DLEC1: variants seen among roughly 807,000 people sequenced by gnomAD.
The protein encoded by DLEC1 is DLEC1 cilia and flagella associated protein.
Under a neutral mutation model 198.1 loss-of-function variants are expected in DLEC1, and 146 were observed. That is an observed-to-expected ratio of 0.74 (90% CI 0.64 to 0.85). The LOEUF (loss-of-function observed/expected upper bound fraction) is 0.85, where lower values mean the gene tolerates loss of function less well. DLEC1 is among the 40% of genes least tolerant of loss of function. The pLI, the probability that DLEC1 is intolerant of heterozygous loss-of-function variation, is 0.00. For missense variants in DLEC1, 2,233 were observed against 2,220.0 expected (o/e 1.01, Z -0.12); for synonymous variants, 897 against 866.8 (o/e 1.03, Z -0.61).
chr3:38,071,860 A>G (rs1213874107), intron 6 of DLEC1, among the ~76,000 whole-genome samples: 2 of 152,216 alleles, frequency 1.3e-5, no homozygotes, highest in Admixed American at 1.3e-4. Flanking sequence ...GAATCAGTGT[A>G]GATATTGACG....
At chr3:38,053,624 G>A (rs1199104059) in intron 2 of DLEC1, among the ~76,000 whole-genome samples, 6 of 114,460 alleles carry the variant, frequency 5.2e-5, no homozygotes, top group African/African-American at 1.6e-4. Flanking sequence ...GGTGGGGGGC[G>A]CCTCTGCCCG....
chr3:38,088,169 A>T (rs1288868328), intron 9 of DLEC1, 127 bp from the exon 10 acceptor site: 2 of 785,062 alleles, frequency 2.5e-6, no homozygotes, highest in Non-Finnish European at 2.1e-6. Flanking sequence ...TTTCATTACC[A>T]TGTGACTGGA....
In DLEC1 at chr3:38,112,119, TCGGGGACAGTGCTTTGCTCACACA is replaced by T; in HGVS notation, c.3515-88_3515-65del. On this transcript the variant is annotated intron_variant, in intron 24 of 36. Coordinates refer to ENST00000308059, the MANE Select transcript of DLEC1 (RefSeq NM_007335.4). The surrounding 1 kb of genome is among the most constrained non-coding windows in gnomAD (Gnocchi z 4.8). Reference sequence around the variant, plus strand: ...CAAGGAGAGGCTGGAGGGTGGCTTATCGGGGACAGTGCTTTGCTCACACACGAGGGTTTGGACCTCACTCCCAAC... The same window carrying T: ...CAAGGAGAGGCTGGAGGGTGGCTTATCGAGGGTTTGGACCTCACTCCCAAC... 1 of 1,573,572 alleles carries T rather than the reference TCGGGGACAGTGCTTTGCTCACACA, an allele frequency of 6.4e-7. No homozygotes were observed. The highest frequency in any genetic ancestry group is 8.7e-7 in the Non-Finnish European group (1 of 1,155,000).
intron 6 of DLEC1, among the ~76,000 whole-genome samples, chr3:38,067,268 C>T (rs1405935670): frequency 6.6e-6 from 1 of 152,108 alleles, no homozygotes; most frequent in East Asian, 1.9e-4. Context: ...TCCCATGTAC[C>T]CTTTCTCTGA....
chr3:38,122,978 TG>T lies in DLEC1; in HGVS notation c.*567del. ...GAGTTTTCCCATGTGGTTTTGCTTT[TG>T]TGGTGTTACTGCCTTGCTGCTAGAG... On this transcript the variant is annotated 3_prime_UTR_variant, in exon 37 of 37. Transcript: ENST00000308059. 1 of 1,530,694 alleles carries T rather than the reference TG, an allele frequency of 6.5e-7. No homozygotes were observed. The highest frequency in any genetic ancestry group is 9.0e-7 in the Non-Finnish European group (1 of 1,107,798). 94.8% of individuals were successfully genotyped at this position (1,530,694 alleles called of 1,614,324 possible). A position where few individuals can be genotyped will look rare whatever the true frequency, so the allele number is the denominator to read the frequency against.
intron 35 of DLEC1, 65 bp from the exon 36 acceptor site, chr3:38,122,004 TAA>T: frequency 6.3e-7 from 1 of 1,591,724 alleles, no homozygotes. Flanking sequence ...CGGGGGTGGG[TAA>T]AGTCTTCCTG....
intron 6 of DLEC1, among the ~76,000 whole-genome samples, chr3:38,083,800 GTT>G (rs11312889): frequency 2.1e-5 from 3 of 146,152 alleles, no homozygotes; most frequent in African/African-American, 2.5e-5. Context: ...TAATTTTTTT[GTT>G]TTTTTTTTTG....
At position 38,123,205 on chromosome 3, in the gene DLEC1, G is replaced by C. The variant is rs1357862754; in HGVS notation, c.*793G>C. ...CAGGCTGACCCAGAAGGACGTCATG[G>C]ACAAGTAGGATGCAAAACCATCAGA... On this transcript the variant is annotated 3_prime_UTR_variant, in exon 37 of 37. Transcript: ENST00000308059. The C allele has an allele frequency of 3.0e-6, 4 of 1,352,802 alleles. No individual in the cohort carries two copies. The highest frequency in any genetic ancestry group is 4.2e-6 in the Non-Finnish European group (4 of 946,314). 83.8% of individuals were successfully genotyped at this position (1,352,802 alleles called of 1,614,324 possible).
intron 6 of DLEC1, among the ~76,000 whole-genome samples, chr3:38,079,520 G>A (rs1045375433): frequency 7.2e-5 from 11 of 152,182 alleles, no homozygotes; most frequent in African/African-American, 1.7e-4. Flanking sequence ...CTTTGGAGGC[G>A]ATCGGGCAGC....
intron 6 of DLEC1, among the ~76,000 whole-genome samples, chr3:38,071,416 G>T (rs1697309291): frequency 6.6e-6 from 1 of 152,216 alleles, no homozygotes; most frequent in Admixed American, 6.5e-5. Context: ...CGGGCTAGCG[G>T]CTTGTAACCT....
At chr3:38,106,815 T>C (rs1699592526) in intron 19 of DLEC1, among the ~76,000 whole-genome samples, 1 of 151,356 alleles carries the variant, frequency 6.6e-6, no homozygotes, top group Non-Finnish European at 1.5e-5. Flanking sequence ...CCATCTAGAT[T>C]ATCTAGGATA....
At chr3:38,089,690 C>T (rs541842854) in intron 10 of DLEC1, among the ~76,000 whole-genome samples, 1 of 152,304 alleles carries the variant, frequency 6.6e-6, no homozygotes, top group South Asian at 2.1e-4. Flanking sequence ...TGGACATCCC[C>T]CTCATCCCAT....
At chr3:38,082,500 C>A (rs888187045) in intron 6 of DLEC1, among the ~76,000 whole-genome samples, 1 of 152,172 alleles carries the variant, frequency 6.6e-6, no homozygotes, top group Non-Finnish European at 1.5e-5. Flanking sequence ...GTGTTCTTAA[C>A]CCTCCAGAAA....
At position 38,120,487 on chromosome 3, in the gene DLEC1, T is replaced by TATCA. The variant is rs879396988; in HGVS notation, c.4745_4748dup (p.Lys1584SerfsTer6). On this transcript the variant is annotated frameshift_variant, in exon 34 of 37. Transcript: ENST00000308059. LOFTEE classifies it high-confidence loss of function. ...CTCACTCTCCCTGGAGCTGCTCTCCTATCAGAAGCTCCCAGCTGACCAGAC... is the reference window on the plus strand; with the variant it reads ...CTCACTCTCCCTGGAGCTGCTCTCCTATCAATCAGAAGCTCCCAGCTGACCAGAC... The TATCA allele has an allele frequency of 2.5e-6, 4 of 1,614,076 alleles. No homozygotes were observed. The highest frequency in any genetic ancestry group is 2.5e-6 in the Non-Finnish European group (3 of 1,180,026).
intron 9 of DLEC1, among the ~76,000 whole-genome samples, chr3:38,086,999 G>A (rs184963496): frequency 1.6e-3 from 240 of 151,864 alleles, no homozygotes; most frequent in African/African-American, 5.4e-3. Flanking sequence ...ACTTGAACCC[G>A]GGAGGTGGAG....
intron 10 of DLEC1, among the ~76,000 whole-genome samples, chr3:38,089,307 C>T (rs895182152): frequency 2.6e-5 from 4 of 152,320 alleles, no homozygotes; most frequent in South Asian, 2.1e-4. Flanking sequence ...GCCTGGGTGC[C>T]GGACTTCTAA....
At chr3:38,062,483 C>T (rs1241418247) in intron 4 of DLEC1, 98 bp from the exon 5 acceptor site, 1 of 1,571,476 alleles carries the variant, frequency 6.4e-7, no homozygotes, top group Non-Finnish European at 8.7e-7. Context: ...TAGAGTAGAG[C>T]TTGTGTTGGC....
chr3:38,084,425 A>AGTAGTG (rs1559430106), intron 7 of DLEC1, among the ~76,000 whole-genome samples, 180 bp downstream of exon 7: 1 of 14,558 alleles, frequency 6.9e-5, no homozygotes, highest in Non-Finnish European at 1.3e-4. Flanking sequence ...TAGTAGTGGT[A>AGTAGTG]GTAGTAGTAG....
At chr3:38,114,316 G>A (rs749647851) in intron 25 of DLEC1, 26 bp from the exon 26 acceptor site, 1 of 1,611,796 alleles carries the variant, frequency 6.2e-7, no homozygotes, top group Non-Finnish European at 8.5e-7. Flanking sequence ...TGACAGGAGT[G>A]ACAAAGGGCT....
Sources: gnomAD v4.1 joint callset for allele counts (sites outside exome capture counted in the v4.1 genomes callset) on GRCh38, gnomAD v4.1.1 for gene constraint, Gnocchi (gnomAD v3.1) non-coding constraint, MANE v1.5 for transcripts, NCBI Gene and HGNC (gene_info 2026-07-23, HGNC 2026-07-21) for gene names.